The following DQX1 variants were observed in gnomAD, a reference collection of about 807,000 sequenced individuals.
DQX1 encodes DEAQ-box RNA dependent ATPase 1, also known as ATP-dependent RNA helicase homolog DQX1.
Under a neutral mutation model 81.3 loss-of-function variants are expected in DQX1, and 66 were observed. That is an observed-to-expected ratio of 0.81 (90% CI 0.67 to 1.00). The LOEUF is 1.00. Among genes scored for constraint, DQX1 ranks in the 50% least tolerant of loss-of-function variants. The pLI, the probability that DQX1 is intolerant of heterozygous loss-of-function variation, is 0.00. For synonymous variants in DQX1, 290 were observed against 350.0 expected (o/e 0.83, Z 1.91); for missense variants, 798 against 867.9 (o/e 0.92, Z 1.01).
rs185742602 is a variant in DQX1, at chr2:74,522,514, A to G, written c.1495+66T>C. On this transcript the variant is annotated intron_variant, in intron 8 of 11. Coordinates refer to ENST00000404568, the MANE Select transcript of DQX1 (RefSeq NM_133637.3). The stretch of plus-strand genomic sequence containing the variant: ...AGAGGAAAGGGCTAGCCTCAGGAGC[A>G]CCAAAACCCAAGAGGAAGGGCTGAA... The G allele has an allele frequency of 4.0e-4, 621 of 1,550,708 alleles. 9 individuals carry two copies. In the Admixed American group the frequency reaches 0.012, roughly 29 times the overall value.
chr2:74,518,961 T>C, intron 11 of DQX1, 79 bp downstream of exon 11: 1 of 1,361,934 alleles, frequency 7.3e-7, no homozygotes, highest in Non-Finnish European at 9.9e-7. Flanking sequence ...TCCCTTCCTC[T>C]GTCTCTCTAA....
At position 74,525,486 on chromosome 2, in the gene DQX1, A is replaced by C. The variant is rs1322568370; in HGVS notation, c.237+7T>G. The C allele has an allele frequency of 6.4e-7, 1 of 1,551,038 alleles. No homozygotes were observed. The highest frequency in any genetic ancestry group is 1.4e-5 in the African/African-American group (1 of 72,878). On this transcript the variant is annotated splice_region_variant and intron_variant, in intron 2 of 11. Coordinates refer to ENST00000404568, the MANE Select transcript of DQX1 (RefSeq NM_133637.3). This position sits in a 1 kb window ranked among gnomAD's most constrained non-coding sequence, Gnocchi z 4.1. The stretch of plus-strand genomic sequence containing the variant: ...GAATCTGCCTGCCCCCACAACCCCC[A>C]CCACACCTGGGTGCTCTTGCCAGAA...
intron 8 of DQX1, among the ~76,000 whole-genome samples, chr2:74,521,287 G>A (rs972559594): frequency 3.3e-5 from 5 of 152,180 alleles, no homozygotes; most frequent in African/African-American, 1.2e-4. Flanking sequence ...TGATGGTGGT[G>A]AGGGAGTGGT....
At chr2:74,519,409 C>CTCA in intron 10 of DQX1, 147 bp downstream of exon 10, 11 of 1,311,426 alleles carry the variant, frequency 8.4e-6, no homozygotes, top group Non-Finnish European at 1.2e-5. Flanking sequence ...CCCCTTGTAC[C>CTCA]TCAAATCCTC....
In DQX1 at chr2:74,525,604, G is replaced by A. The variant is rs1356543763; in HGVS notation, c.126C>T (p.Arg42=). Residue 42 remains arginine (R), a synonymous_variant, in exon 2 of 12, where the codon CGC becomes CGT. Coordinates refer to ENST00000404568, the MANE Select transcript of DQX1 (RefSeq NM_133637.3). This position sits in a 1 kb window ranked among gnomAD's most constrained non-coding sequence, Gnocchi z 4.1. The part of the protein sequence containing the change: ...SSRYYELLKQ[R]QALPIWAARF... The stretch of plus-strand genomic sequence containing the variant: ...GAGCAGCCCAGATGGGCAAGGCTTG[G>A]CGCTGCTTCAGCAGCTCATAGTAGC... The A allele has an allele frequency of 1.5e-5, 23 of 1,551,800 alleles. No homozygotes were observed. The highest frequency in any genetic ancestry group is 2.0e-5 in the Non-Finnish European group (23 of 1,147,056).
intron 8 of DQX1, among the ~76,000 whole-genome samples, chr2:74,520,796 C>G (rs888605088): frequency 4.6e-5 from 7 of 152,100 alleles, no homozygotes; most frequent in Non-Finnish European, 8.8e-5. Context: ...ACCTCAGTCT[C>G]TTCAGTAGCT....
intron 10 of DQX1, 44 bp downstream of exon 10, chr2:74,519,512 C>T: frequency 1.3e-6 from 2 of 1,595,418 alleles, no homozygotes; most frequent in Non-Finnish European, 1.7e-6. Flanking sequence ...TTCTCTTTGC[C>T]TTTTGCTCCT....
At position 74,525,927 on chromosome 2, in the gene DQX1, G is replaced by A. The variant is rs901974461; in HGVS notation, c.-19-179C>T. Among the ~76,000 whole-genome samples the A allele has an allele frequency of 6.6e-6, 1 of 152,198 alleles. No individual in the cohort carries two copies. Among genetic ancestry groups the A allele is most frequent in the Non-Finnish European group, 1.5e-5 (1 of 68,038 alleles). ...GATAAAGGGCTACTGAGAGTTAGTC[G>A]ACAGTCCCTATAGTCAGGTAGTAGA... On this transcript the variant is annotated intron_variant, in intron 1 of 11. Coordinates refer to ENST00000404568, the MANE Select transcript of DQX1 (RefSeq NM_133637.3). This position sits in a 1 kb window ranked among gnomAD's most constrained non-coding sequence, Gnocchi z 4.1.
At chr2:74,521,658 A>G (rs1225141795) in intron 8 of DQX1, among the ~76,000 whole-genome samples, 2 of 151,154 alleles carry the variant, frequency 1.3e-5, no homozygotes, top group Non-Finnish European at 2.9e-5. Flanking sequence ...TGAAAAAAAA[A>G]AAAAAGAAAA....
At position 74,519,114 on chromosome 2, in the gene DQX1, T is replaced by C; in HGVS notation, c.1923A>G (p.Pro641=). The stretch of plus-strand genomic sequence containing the variant: ...TGGTGAAATTGTGGTAGAGCACCCA[T>C]GGTGGGGGTCTGGCAGGAGCTCTGC... ...RSRRAPARPP[P]WVLYHNFTIS... The change falls in exon 11 of 12, where the codon CCA becomes CCG. Residue 641 remains proline (P), a synonymous_variant. Coordinates refer to ENST00000404568, the MANE Select transcript of DQX1 (RefSeq NM_133637.3). 1.2e-6 allele frequency: 2 copies of C among 1,612,088 alleles called. No homozygotes were observed. Among genetic ancestry groups the C allele is most frequent in the Non-Finnish European group, 1.7e-6 (2 of 1,179,274 alleles).
In DQX1 at chr2:74,523,320, T is replaced by G; in HGVS notation, c.1034A>C (p.Glu345Ala). 6.2e-7 allele frequency: 1 copy of G among 1,614,090 alleles called. No homozygotes were observed. The highest frequency in any genetic ancestry group is 1.6e-4 in the Middle Eastern group (1 of 6,062). ...CTCTCTCTCACTCACACTTCGGAGC[T>G]CCAGTCCTGAGTCGATGACATGTTG... Reference protein sequence around the residue: ...SIQHVIDSGLELRSVYNPRIR... With the variant: ...SIQHVIDSGLALRSVYNPRIR... Residue 345 changes from glutamate (E) to alanine (A), a missense_variant, in exon 5 of 12, where the codon GAG becomes GCG. Physicochemically the swap from Glu to Ala is moderately radical, Grantham distance 107. Transcript: ENST00000404568.
At position 74,524,257 on chromosome 2, in the gene DQX1, G is replaced by A; in HGVS notation, c.482C>T (p.Thr161Ile). Residue 161 changes from threonine (T) to isoleucine (I), a missense_variant, in exon 4 of 12, where the codon ACT becomes ATT. By Grantham distance (89) the Thr-to-Ile change is moderately conservative. Coordinates refer to ENST00000404568, the MANE Select transcript of DQX1 (RefSeq NM_133637.3). ...LLQEVASTRG[T>I]GAWGVLVLDE... ...TAGTACCAGCACGCCCCAGGCTCCA[G>A]TGCCTCGGGTCGAGGCCACCTCCTG... 6.2e-7 allele frequency: 1 copy of A among 1,614,034 alleles called. No individual in the cohort carries two copies. The highest frequency in any genetic ancestry group is 1.1e-5 in the South Asian group (1 of 91,084).
intron 3 of DQX1, 97 bp from the exon 4 acceptor site, chr2:74,524,404 T>C: frequency 2.0e-6 from 3 of 1,484,572 alleles, no homozygotes; most frequent in Middle Eastern, 2.3e-4. Context: ...TATTTTGATA[T>C]TGAAGGTCAG....
Position 74,525,629 on chromosome 2 carries a change from C to A in DQX1, c.101G>T (p.Arg34Leu). The A allele has an allele frequency of 7.7e-6, 12 of 1,551,770 alleles. No homozygotes were observed. The highest frequency in any genetic ancestry group is 1.0e-5 in the Non-Finnish European group (12 of 1,147,018). The change falls in exon 2 of 12, where the codon CGC (arginine) becomes CTC (leucine). Residue 34 changes from arginine (R) to leucine (L), a missense_variant. Arg to Leu is a moderately radical substitution (Grantham distance 102). Coordinates refer to ENST00000404568, the MANE Select transcript of DQX1 (RefSeq NM_133637.3). The surrounding 1 kb of genome is among the most constrained non-coding windows in gnomAD (Gnocchi z 4.1). ...NPFDGLPFSS[R>L]YYELLKQRQA... The stretch of plus-strand genomic sequence containing the variant: ...GCGCTGCTTCAGCAGCTCATAGTAG[C>A]GGGAAGAGAAGGGAAGCCCATCAAA...
rs1447249027 is a variant in DQX1 at position 74,518,201 on chromosome 2, T to G, written c.*245A>C. ...AATGGGTTTGGCAAAGTTAAGAGAATGAGGAGCATGTCAGTCCCTCTCCAA... is the reference window on the plus strand; with the variant it reads ...AATGGGTTTGGCAAAGTTAAGAGAAGGAGGAGCATGTCAGTCCCTCTCCAA... On this transcript the variant is annotated 3_prime_UTR_variant, in exon 12 of 12. Transcript: ENST00000404568. 2 of 445,246 alleles carry G rather than the reference T, an allele frequency of 4.5e-6. No homozygotes were observed. The highest frequency in any genetic ancestry group is 7.7e-5 in the Admixed American group (2 of 26,088). The allele number at this position is 445,246 out of a possible 1,614,324, so 27.6% of individuals were successfully genotyped here.
In DQX1 at chr2:74,519,624, G is replaced by T; in HGVS notation, c.1738C>A (p.Pro580Thr). Residue 580 changes from proline to threonine, a missense_variant, in exon 10 of 12, where the codon CCA (proline) becomes ACA (threonine). Transcript: ENST00000404568. ...CGATTCTGCTCAGAGCCAAAGGCTG[G>T]TAGGGACAAGGGAAGTTCAATTCGT... ...MQRIELPLSL[P>T]AFGSEQNRRD... is the part of the protein sequence containing the mutation. The T allele has an allele frequency of 6.2e-7, 1 of 1,614,232 alleles. No homozygotes were observed.
rs771098099 is a variant in DQX1, at chr2:74,525,492, C to G, written c.237+1G>C. The G allele has an allele frequency of 1.3e-6, 2 of 1,552,150 alleles. No individual in the cohort carries two copies. Among genetic ancestry groups the G allele is most frequent in the Non-Finnish European group, 1.7e-6 (2 of 1,147,172 alleles). On this transcript the variant is annotated splice_donor_variant, in intron 2 of 11. Coordinates refer to ENST00000404568, the MANE Select transcript of DQX1 (RefSeq NM_133637.3). LOFTEE classifies it high-confidence loss of function. The surrounding 1 kb of genome is among the most constrained non-coding windows in gnomAD (Gnocchi z 4.1). ...GCCTGCCCCCACAACCCCCACCACA[C>G]CTGGGTGCTCTTGCCAGAACCAGGC...
intron 10 of DQX1, 28 bp downstream of exon 10, chr2:74,519,528 C>T (rs754034455): frequency 3.1e-6 from 5 of 1,602,410 alleles, no homozygotes; most frequent in Middle Eastern, 1.7e-4. Flanking sequence ...CTCCTTTGAT[C>T]ACCCTCACCC....
In DQX1 at chr2:74,525,528, C is replaced by G. The variant is rs1220810144; in HGVS notation, c.202G>C (p.Val68Leu). ...LESNPTGVVL[V>L]SGEPGSGKST... ...TTGCCAGAACCAGGCTCCCCAGACACCAGCACCACTCCAGTGGGGTTACTC... is the reference window on the plus strand; with the variant it reads ...TTGCCAGAACCAGGCTCCCCAGACAGCAGCACCACTCCAGTGGGGTTACTC... Residue 68 changes from valine (V) to leucine (L), a missense_variant, in exon 2 of 12, where the codon GTG becomes CTG. Coordinates refer to ENST00000404568, the MANE Select transcript of DQX1 (RefSeq NM_133637.3). The surrounding 1 kb of genome is among the most constrained non-coding windows in gnomAD (Gnocchi z 4.1). 1.3e-6 allele frequency: 2 copies of G among 1,552,296 alleles called. No homozygotes were observed. Among genetic ancestry groups the G allele is most frequent in the South Asian group, 1.2e-5 (1 of 84,066 alleles).
Sources: allele counts gnomAD v4.1 joint callset (sites outside exome capture counted in the v4.1 genomes callset), GRCh38; gene constraint gnomAD v4.1.1; non-coding constraint Gnocchi (gnomAD v3.1); transcripts MANE v1.5; gene names NCBI Gene and HGNC (gene_info 2026-07-23, HGNC 2026-07-21).